Variants in RHEBL1 observed in about 807,000 individuals in gnomAD.
RHEBL1 encodes GTPase RhebL1.
Under a neutral mutation model 27.4 loss-of-function variants are expected in RHEBL1, and 22 were observed. The observed-to-expected ratio is 0.80, with a 90% CI of 0.57 to 1.15. The LOEUF (loss-of-function observed/expected upper bound fraction) is 1.15. Ranked by LOEUF, RHEBL1 falls within the 50% of genes most tolerant of loss-of-function variation. The pLI is 0.00. For missense variants in RHEBL1, 186 were observed against 226.5 expected (o/e 0.82, Z 1.15); for synonymous variants, 85 against 80.8 (o/e 1.05, Z -0.28).
In RHEBL1 at chr12:49,064,980, G is replaced by A; in HGVS notation, c.*123C>T. 1.4e-6 allele frequency: 1 copy of A among 710,064 alleles called. No homozygotes were observed. The highest frequency in any genetic ancestry group is 2.5e-6 in the Non-Finnish European group (1 of 397,282). 44.0% of individuals were successfully genotyped at this position (710,064 alleles called of 1,614,324 possible). The stretch of plus-strand genomic sequence containing the variant: ...TGTGCAAACATGAGGATGCCACACT[G>A]TGTGTCCAGGGGCCAGGAACACAGC... On this transcript the variant is annotated 3_prime_UTR_variant, in exon 8 of 8. Transcript: ENST00000301068.
In RHEBL1 at chr12:49,064,987, C is replaced by G; in HGVS notation, c.*116G>C. 1 of 745,032 alleles carries G rather than the reference C, an allele frequency of 1.3e-6. No individual in the cohort carries two copies. The highest frequency in any genetic ancestry group is 2.4e-6 in the Non-Finnish European group (1 of 421,378). 46.2% of individuals were successfully genotyped at this position (745,032 alleles called of 1,614,324 possible). On this transcript the variant is annotated 3_prime_UTR_variant, in exon 8 of 8. Coordinates refer to ENST00000301068, the MANE Select transcript of RHEBL1 (RefSeq NM_144593.3). ...ACATGAGGATGCCACACTGTGTGTC[C>G]AGGGGCCAGGAACACAGCTGGCAAC...
Position 49,064,966 on chromosome 12 carries a change from G to A in RHEBL1, c.*137C>T, listed in dbSNP as rs758891883. 9.1e-6 allele frequency: 6 copies of A among 660,682 alleles called. No individual in the cohort carries two copies. The highest frequency in any genetic ancestry group is 7.2e-5 in the Admixed American group (3 of 41,882). The allele number at this position is 660,682 out of a possible 1,614,324, so 40.9% of individuals were successfully genotyped here. A position where few individuals can be genotyped will look rare whatever the true frequency, so the allele number is the denominator to read the frequency against. On this transcript the variant is annotated 3_prime_UTR_variant, in exon 8 of 8. Transcript: ENST00000301068. ...GAGCCTGGGGAAAGTGTGCAAACAT[G>A]AGGATGCCACACTGTGTGTCCAGGG...
In RHEBL1 at chr12:49,069,810, G is replaced by C; in HGVS notation, c.-25C>G. ...TGGCAGGAGCCCGCCCCAGGGGCTT[G>C]CGGAACTGCGGGCTCAGAGAGCCCG... On this transcript the variant is annotated 5_prime_UTR_variant, in exon 1 of 8. Coordinates refer to ENST00000301068, the MANE Select transcript of RHEBL1 (RefSeq NM_144593.3). The C allele has an allele frequency of 6.2e-7, 1 of 1,610,776 alleles. No individual in the cohort carries two copies. The highest frequency in any genetic ancestry group is 8.5e-7 in the Non-Finnish European group (1 of 1,177,624).
intron 6 of RHEBL1, 80 bp downstream of exon 6, chr12:49,066,151 T>A (rs1191965690): frequency 8.9e-7 from 1 of 1,124,142 alleles, no homozygotes; most frequent in Non-Finnish European, 1.4e-6. Flanking sequence ...TTTGAGTCAG[T>A]GGAAGAGCCA....
chr12:49,066,742 A>G lies in RHEBL1; in HGVS notation c.193-41T>C, dbSNP rs746348973. 5.7e-6 allele frequency: 9 copies of G among 1,569,786 alleles called. No homozygotes were observed. The Admixed American group carries it at 1.5e-4, about 26-fold the overall frequency. ...AAACATCAGTACCTAGATCCAAACC[A>G]CTAAGATGGCAAAGGTTGGTGGGAC... On this transcript the variant is annotated intron_variant, in intron 3 of 7. Coordinates refer to ENST00000301068, the MANE Select transcript of RHEBL1 (RefSeq NM_144593.3).
chr12:49,067,548 G>A (rs538748223), intron 2 of RHEBL1, among the ~76,000 whole-genome samples: 1 of 152,140 alleles, frequency 6.6e-6, no homozygotes, highest in Non-Finnish European at 1.5e-5. Flanking sequence ...GGAGGCCAGG[G>A]CAGGCGGATC....
Position 49,067,047 on chromosome 12 carries a change from A to G in RHEBL1, c.125-12T>C. The G allele has an allele frequency of 6.2e-7, 1 of 1,610,232 alleles. No individual in the cohort carries two copies. The highest frequency in any genetic ancestry group is 8.5e-7 in the Non-Finnish European group (1 of 1,177,198). ...TATCTTGCTGTAAGCTGAAAAGAAA[A>G]GAAAACTTGACTGTGAAGTGCCTTA... is the stretch of plus-strand genomic sequence containing the variant. On this transcript the variant is annotated splice_polypyrimidine_tract_variant and intron_variant, in intron 2 of 7. Coordinates refer to ENST00000301068, the MANE Select transcript of RHEBL1 (RefSeq NM_144593.3).
At chr12:49,066,751 G>T in intron 3 of RHEBL1, 50 bp from the exon 4 acceptor site, 1 of 1,540,208 alleles carries the variant, frequency 6.5e-7, no homozygotes, top group Non-Finnish European at 9.0e-7. Context: ...CACTAAGATG[G>T]CAAAGGTTGG....
At position 49,065,064 on chromosome 12, in the gene RHEBL1, C is replaced by CG. The variant is rs776559535; in HGVS notation, c.*38dup. On this transcript the variant is annotated 3_prime_UTR_variant, in exon 8 of 8. Coordinates refer to ENST00000301068, the MANE Select transcript of RHEBL1 (RefSeq NM_144593.3). ...CCCCCCACTGGAACATGGCAAGTGCCGGGGGCAGAAGCAAGGCAGTTACCC... is the reference window on the plus strand; with the variant it reads ...CCCCCCACTGGAACATGGCAAGTGCCGGGGGGCAGAAGCAAGGCAGTTACCC... The CG allele has an allele frequency of 2.1e-6, 3 of 1,456,788 alleles. No individual in the cohort carries two copies. The highest frequency in any genetic ancestry group is 2.9e-6 in the Non-Finnish European group (3 of 1,036,988). The allele number at this position is 1,456,788 out of a possible 1,614,324, so 90.2% of individuals were successfully genotyped here.
At chr12:49,068,011 C>CA (rs1939024985) in intron 2 of RHEBL1, among the ~76,000 whole-genome samples, 1 of 152,108 alleles carries the variant, frequency 6.6e-6, no homozygotes, top group African/African-American at 2.4e-5. Context: ...AAGCTATAGT[C>CA]ACCCTACTGA....
intron 1 of RHEBL1, among the ~76,000 whole-genome samples, chr12:49,069,461 C>T (rs1939051362): frequency 6.7e-6 from 1 of 149,112 alleles, no homozygotes; most frequent in African/African-American, 2.4e-5. Flanking sequence ...AAATTGTGAC[C>T]CCACCCCTAT....
rs577964577 is a variant in RHEBL1 at position 49,065,890 on chromosome 12, A to G, written c.380+341T>C. 6.8e-4 allele frequency among the ~76,000 whole-genome samples: 103 copies of G among 151,674 alleles called. 1 individual carries two copies. The highest frequency in any genetic ancestry group is 2.2e-3 in the African/African-American group (93 of 41,382). ...CAGTGAGCCGAGATCACACCACTGC[A>G]CTCCAGCCTGGGCAACAGAGCAAGA... is the stretch of plus-strand genomic sequence containing the variant. On this transcript the variant is annotated intron_variant, in intron 6 of 7. Transcript: ENST00000301068.
chr12:49,069,025 G>A lies in RHEBL1; in HGVS notation c.124+10C>T. ...ATACCACCAGCACACTAGGGGAGAA[G>A]TCTACTCACTATTCTCCACTGTAGG... is the stretch of plus-strand genomic sequence containing the variant. On this transcript the variant is annotated intron_variant, in intron 2 of 7. Coordinates refer to ENST00000301068, the MANE Select transcript of RHEBL1 (RefSeq NM_144593.3). 1 of 1,611,324 alleles carries A rather than the reference G, an allele frequency of 6.2e-7. No individual in the cohort carries two copies. The highest frequency in any genetic ancestry group is 8.5e-7 in the Non-Finnish European group (1 of 1,178,422).
intron 6 of RHEBL1, among the ~76,000 whole-genome samples, chr12:49,065,940 GA>G (rs1938990962): frequency 6.6e-6 from 1 of 151,572 alleles, no homozygotes; most frequent in Non-Finnish European, 1.5e-5. Flanking sequence ...AAAAAAAATA[GA>G]GAAGAAAAAG....
chr12:49,069,086 G>C lies in RHEBL1; in HGVS notation c.73C>G (p.Gln25Glu). The C allele has an allele frequency of 6.2e-7, 1 of 1,614,100 alleles. No individual in the cohort carries two copies. The highest frequency in any genetic ancestry group is 8.5e-7 in the Non-Finnish European group (1 of 1,179,992). ...TCCGAGAACTCGCCTTCCACAAATT[G>C]ATGTGCCAAAGATGTCTTCCCTGTG... Reference protein sequence around the residue: ...RCVGKTSLAHQFVEGEFSEGY... With the variant: ...RCVGKTSLAHEFVEGEFSEGY... The change falls in exon 2 of 8, where the codon CAA becomes GAA. Residue 25 changes from glutamine to glutamate, a missense_variant. By Grantham distance (29) the Gln-to-Glu change is conservative. Around this residue, in one of 3 missense-constraint regions of RHEBL1, gnomAD observed 62 missense variants for 62.1 expected, o/e 1.00. Transcript: ENST00000301068.
At chr12:49,066,409 T>C (rs1393437522) in intron 5 of RHEBL1, 67 bp downstream of exon 5, 1 of 1,570,258 alleles carries the variant, frequency 6.4e-7, no homozygotes, top group East Asian at 2.2e-5. Flanking sequence ...AACTTGACAA[T>C]TCTCCCCTCT....
chr12:49,066,706 C>G lies in RHEBL1; in HGVS notation c.193-5G>C, dbSNP rs1227316926. The G allele has an allele frequency of 6.2e-7, 1 of 1,613,202 alleles. No homozygotes were observed. The highest frequency in any genetic ancestry group is 1.3e-5 in the African/African-American group (1 of 75,010). On this transcript the variant is annotated splice_region_variant and splice_polypyrimidine_tract_variant and intron_variant, in intron 3 of 7. Transcript: ENST00000301068. ...GGGCAGAATGCTGTACTCATCCTGG[C>G]AAGAAATGGGAAACATCAGTACCTA...
intron 1 of RHEBL1, among the ~76,000 whole-genome samples, chr12:49,069,496 CTG>C (rs5798088): frequency 0.36 from 54,019 of 151,698 alleles, 10,798 homozygotes; most frequent in South Asian, 0.52. Context: ...TGGGACCACT[CTG>C]AGATTCCCGC....
intron 2 of RHEBL1, among the ~76,000 whole-genome samples, chr12:49,068,380 C>T (rs1406124775): frequency 2.7e-5 from 4 of 150,546 alleles, no homozygotes; most frequent in African/African-American, 9.8e-5. Context: ...ATCCACCTGC[C>T]TTGGCCTCCC....
Sources: allele counts gnomAD v4.1 joint callset (sites outside exome capture counted in the v4.1 genomes callset), GRCh38; gene constraint gnomAD v4.1.1; regional missense constraint gnomAD v4.1.1; transcripts MANE v1.5; gene names NCBI Gene and HGNC (gene_info 2026-07-23, HGNC 2026-07-21).